AGBL4: variants seen among roughly 807,000 people sequenced by gnomAD.
The protein encoded by AGBL4 is AGBL carboxypeptidase 4, also known as cytosolic carboxypeptidase 6.
Under a neutral mutation model 66.4 loss-of-function variants are expected in AGBL4, and 58 were observed. That is an observed-to-expected ratio of 0.87 (90% CI 0.71 to 1.09). AGBL4 has a LOEUF of 1.09. AGBL4 is among the 50% of genes least tolerant of loss of function. The pLI, the probability that AGBL4 is intolerant of heterozygous loss-of-function variation, is 0.00. For missense variants in AGBL4, 579 were observed against 631.0 expected, an observed-to-expected ratio of 0.92 and a Z score of 0.88; for synonymous variants, 234 against 222.9, an observed-to-expected ratio of 1.05 and a Z score of -0.44.
At chr1:48,668,398 T>C (rs542954826) in intron 6 of AGBL4, among the ~76,000 whole-genome samples, 2 of 145,606 alleles carry the variant, frequency 1.4e-5, no homozygotes, top group Non-Finnish European at 3.0e-5. Flanking sequence ...CAGTGCTCTA[T>C]TGTTTGCAGA....
At chr1:49,080,315 G>A (rs1325016605) in intron 4 of AGBL4, among the ~76,000 whole-genome samples, 1 of 152,110 alleles carries the variant, frequency 6.6e-6, no homozygotes, top group East Asian at 1.9e-4. Context: ...GCAACAATAT[G>A]GTACCCAGAG....
chr1:48,559,828 C>G (rs557309278), intron 11 of AGBL4, among the ~76,000 whole-genome samples: 1 of 152,112 alleles, frequency 6.6e-6, no homozygotes, highest in African/African-American at 2.4e-5. Context: ...TGCCTCTTTG[C>G]CTCTTTCCCC....
chr1:49,116,395 G>T (rs565178787), intron 4 of AGBL4, among the ~76,000 whole-genome samples: 1 of 152,032 alleles, frequency 6.6e-6, no homozygotes, highest in Non-Finnish European at 1.5e-5. Context: ...AACAGGCCCT[G>T]GTGTGTGATA....
At chr1:49,895,110 T>C (rs1189416407) in intron 1 of AGBL4, among the ~76,000 whole-genome samples, 1 of 151,910 alleles carries the variant, frequency 6.6e-6, no homozygotes, top group Non-Finnish European at 1.5e-5. Flanking sequence ...GCATGACATA[T>C]TTAACGTGCT....
intron 1 of AGBL4, among the ~76,000 whole-genome samples, chr1:49,945,269 T>C (rs1655107220): frequency 6.6e-6 from 1 of 152,004 alleles, no homozygotes; most frequent in South Asian, 2.1e-4. Flanking sequence ...TGTCATCAGG[T>C]TATCTAAAGT....
At chr1:48,579,915 C>CAA (rs35518235) in intron 11 of AGBL4, among the ~76,000 whole-genome samples, 140 of 65,368 alleles carry the variant, frequency 2.1e-3, no homozygotes, top group African/African-American at 2.5e-3. Context: ...GACTCCGCCT[C>CAA]AAAAAAAAAA....
chr1:49,171,674 C>T (rs894293427), intron 4 of AGBL4, among the ~76,000 whole-genome samples: 113 of 152,258 alleles, frequency 7.4e-4, no homozygotes, highest in African/African-American at 2.5e-3. Context: ...AAAGTATGAT[C>T]AATGACTGTA....
intron 2 of AGBL4, among the ~76,000 whole-genome samples, chr1:49,830,462 T>G (rs1161228800): frequency 6.6e-6 from 1 of 152,218 alleles, no homozygotes; most frequent in Non-Finnish European, 1.5e-5. Context: ...CTCATGGGGT[T>G]GTTTTTTCTT....
chr1:49,107,121 G>C (rs1645306813), intron 4 of AGBL4, among the ~76,000 whole-genome samples: 1 of 152,114 alleles, frequency 6.6e-6, no homozygotes, highest in African/African-American at 2.4e-5. Flanking sequence ...AATATATACA[G>C]ACAGTCTTCA....
chr1:49,608,508 T>C (rs540894714), intron 3 of AGBL4, among the ~76,000 whole-genome samples: 1 of 152,276 alleles, frequency 6.6e-6, no homozygotes, highest in East Asian at 1.9e-4. Flanking sequence ...GGCCTTAGCC[T>C]GCTGTGGTAC....
intron 3 of AGBL4, among the ~76,000 whole-genome samples, chr1:49,494,109 G>A (rs1164545323): frequency 6.6e-6 from 1 of 151,794 alleles, no homozygotes; most frequent in Non-Finnish European, 1.5e-5. Context: ...TTAATTAAGG[G>A]AGTTAATTTT....
At chr1:49,475,563 T>C (rs1188319249) in intron 3 of AGBL4, among the ~76,000 whole-genome samples, 1 of 152,028 alleles carries the variant, frequency 6.6e-6, no homozygotes, top group African/African-American at 2.4e-5. Context: ...CGTCCAGGGC[T>C]TGTGTTTGTT....
chr1:48,828,017 C>T (rs1646466801), intron 6 of AGBL4, among the ~76,000 whole-genome samples: 1 of 149,958 alleles, frequency 6.7e-6, no homozygotes, highest in Non-Finnish European at 1.5e-5. Context: ...CACACACACA[C>T]ACACACACAC....
intron 3 of AGBL4, among the ~76,000 whole-genome samples, chr1:49,462,711 G>A (rs187145693): frequency 4.0e-5 from 6 of 151,810 alleles, no homozygotes; most frequent in Non-Finnish European, 7.4e-5. Flanking sequence ...TTGTTTCTAA[G>A]AGAGGAGGAC....
At chr1:48,908,778 T>A (rs941840543) in intron 5 of AGBL4, among the ~76,000 whole-genome samples, 23 of 152,170 alleles carry the variant, frequency 1.5e-4, no homozygotes, top group Non-Finnish European at 3.2e-4. Context: ...CCACAGAGCC[T>A]TAGTCTTTCA....
intron 3 of AGBL4, among the ~76,000 whole-genome samples, chr1:49,669,455 G>A (rs1347002015): frequency 1.3e-5 from 2 of 152,084 alleles, no homozygotes; most frequent in African/African-American, 4.8e-5. Context: ...CAGTGTGTGG[G>A]CTAACCCACA....
chr1:49,628,192 T>C (rs1410037251), intron 3 of AGBL4, among the ~76,000 whole-genome samples: 2 of 152,178 alleles, frequency 1.3e-5, no homozygotes, highest in African/African-American at 2.4e-5. Context: ...CTGTGGCCTA[T>C]GTAGTGATTC....
intron 5 of AGBL4, among the ~76,000 whole-genome samples, chr1:49,029,458 G>A (rs1198281634): frequency 1.3e-5 from 2 of 152,102 alleles, no homozygotes; most frequent in African/African-American, 4.8e-5. Context: ...GATAAAATAT[G>A]TAGAAATGAA....
chr1:49,739,297 T>G (rs1309550019), intron 2 of AGBL4, among the ~76,000 whole-genome samples: 1 of 151,656 alleles, frequency 6.6e-6, no homozygotes, highest in African/African-American at 2.4e-5. Context: ...CTGGAAGAAA[T>G]GGTATCAGTG....
Sources: gnomAD v4.1 joint callset for allele counts (sites outside exome capture counted in the v4.1 genomes callset) on GRCh38, gnomAD v4.1.1 for gene constraint, MANE v1.5 for transcripts, NCBI Gene and HGNC (gene_info 2026-07-23, HGNC 2026-07-21) for gene names.